FANCA: variants seen among roughly 807,000 people sequenced by gnomAD.
FANCA encodes the protein FA complementation group A.
FANCA carries 236 observed loss-of-function variants against 194.3 expected under a neutral mutation model. That is an observed-to-expected ratio of 1.21 (90% CI 1.09 to 1.35). The LOEUF (loss-of-function observed/expected upper bound fraction) is 1.35. FANCA is among the 40% of genes most tolerant of loss of function. The pLI, the probability that FANCA is intolerant of heterozygous loss-of-function variation, is 0.00. For missense variants in FANCA, 2,628 were observed against 1,813.9 expected, an observed-to-expected ratio of 1.45 and a Z score of -8.15; for synonymous variants, 1,014 against 715.8, an observed-to-expected ratio of 1.42 and a Z score of -6.65.
At chr16:89,804,816 G>A (rs996699595) in intron 7 of FANCA, among the ~76,000 whole-genome samples, 9 of 152,056 alleles carry the variant, frequency 5.9e-5, no homozygotes, top group African/African-American at 1.9e-4. Context: ...GGTGCATCAC[G>A]AGGTCAGGAG....
At position 89,744,629 on chromosome 16, in the gene FANCA, G is replaced by A. The variant is rs57344490; in HGVS notation, c.3626+330C>T. The stretch of plus-strand genomic sequence containing the variant: ...TCACTCAGACGGGAGCCTGGGAGAG[G>A]CCGTTCCTCACTCAGACGAGACACT... On this transcript the variant is annotated intron_variant, in intron 36 of 42. Transcript: ENST00000389301. 1,725 of 375,582 alleles carry A rather than the reference G, an allele frequency of 4.6e-3. 34 individuals are homozygous for A. Among genetic ancestry groups the A allele is most frequent in the African/African-American group, 0.033 (1,583 of 47,666 alleles). 23.3% of individuals were successfully genotyped at this position (375,582 alleles called of 1,614,324 possible).
At position 89,771,706 on chromosome 16, in the gene FANCA, G is replaced by A. The variant is rs775960094; in HGVS notation, c.2123C>T (p.Thr708Met). The stretch of plus-strand genomic sequence containing the variant: ...GTGTTCCCGTGGCTCCAGTCTCGGC[G>A]TGTTGATGCTGAGCTGAATCTTTGA... ...EISKIQLSIN[T>M]PRLEPREHMA... The change falls in exon 23 of 43, where the codon ACG becomes ATG. Residue 708 changes from threonine to methionine, a missense_variant. By Grantham distance (81) the Thr-to-Met change is moderately conservative. Coordinates refer to ENST00000389301, the MANE Select transcript of FANCA (RefSeq NM_000135.4). 32 of 1,614,046 alleles carry A rather than the reference G, an allele frequency of 2.0e-5. No homozygotes were observed. The highest frequency in any genetic ancestry group is 1.1e-4 in the South Asian group (10 of 91,090).
At chr16:89,812,420 G>C (rs1215637438) in intron 3 of FANCA, among the ~76,000 whole-genome samples, 1 of 151,838 alleles carries the variant, frequency 6.6e-6, no homozygotes, top group Non-Finnish European at 1.5e-5. Flanking sequence ...GCCGAGGCGG[G>C]TGGATCACCT....
At chr16:89,751,805 C>T (rs1345725332) in intron 31 of FANCA, among the ~76,000 whole-genome samples, 5 of 149,488 alleles carry the variant, frequency 3.3e-5, no homozygotes, top group African/African-American at 4.9e-5. Flanking sequence ...CTCACTCTGT[C>T]GCCCGCCCAG....
intron 14 of FANCA, among the ~76,000 whole-genome samples, chr16:89,789,760 A>C (rs1203547983): frequency 6.6e-6 from 1 of 151,974 alleles, no homozygotes; most frequent in Non-Finnish European, 1.5e-5. Context: ...CTTCTACAAA[A>C]ATTAGCTCTT....
At chr16:89,770,483 G>C in intron 24 of FANCA, 81 bp downstream of exon 24, 1 of 1,334,544 alleles carries the variant, frequency 7.5e-7, no homozygotes, top group South Asian at 1.2e-5. Flanking sequence ...GAGCTCATGA[G>C]TCCCTGGTCT....
chr16:89,816,242 G>A (rs548593510), intron 1 of FANCA: 1 of 475,880 alleles, frequency 2.1e-6, no homozygotes, highest in Admixed American at 3.3e-5. Context: ...CTGCGCTGAG[G>A]GGAGCCCCAG....
chr16:89,745,973 A>G (rs1016866468), intron 35 of FANCA, among the ~76,000 whole-genome samples: 7 of 152,182 alleles, frequency 4.6e-5, no homozygotes, highest in Admixed American at 1.3e-4. Context: ...TCCCTGGGGA[A>G]CATGCCGTGC....
Position 89,738,050 on chromosome 16 carries a change from C to A in FANCA, c.*551G>T. ...CACATGACCAAACACAAGGCTGAGA[C>A]TGAGCTGGACTTTGCCTGTGACCAG... On this transcript the variant is annotated 3_prime_UTR_variant, in exon 43 of 43. Transcript: ENST00000389301. The A allele has an allele frequency of 6.2e-7, 1 of 1,614,160 alleles. No individual in the cohort carries two copies. Among genetic ancestry groups the A allele is most frequent in the South Asian group, 1.1e-5 (1 of 91,092 alleles).
intron 27 of FANCA, among the ~76,000 whole-genome samples, chr16:89,766,038 C>A (rs1407860977): frequency 6.6e-6 from 1 of 151,542 alleles, no homozygotes; most frequent in Non-Finnish European, 1.5e-5. Flanking sequence ...GCTCTGTTGC[C>A]CAGGCTGGAG....
chr16:89,808,135 C>G (rs898333800), intron 6 of FANCA, among the ~76,000 whole-genome samples, 159 bp downstream of exon 6: 10 of 152,148 alleles, frequency 6.6e-5, no homozygotes, highest in African/African-American at 1.9e-4. Flanking sequence ...AATAGTTCCT[C>G]CAGGTCTAGT....
In FANCA at chr16:89,778,963, C is replaced by T. The variant is rs201212806; in HGVS notation, c.1756G>A (p.Ala586Thr). 39 of 1,613,970 alleles carry T rather than the reference C, an allele frequency of 2.4e-5. No individual in the cohort carries two copies. Among genetic ancestry groups the T allele is most frequent in the East Asian group, 1.8e-4 (8 of 44,882 alleles). Reference sequence around the variant, plus strand: ...CTGACCACTCGAGGTGTGAGCAGGGCGGGGAGGAAGTGGGACACGTAGTAA... The same window carrying T: ...CTGACCACTCGAGGTGTGAGCAGGGTGGGGAGGAAGTGGGACACGTAGTAA... ...RPYYVSHFLP[A>T]LLTPRVLPKV... The change falls in exon 19 of 43, where the codon GCC becomes ACC. Residue 586 changes from alanine (A) to threonine (T), a missense_variant. By Grantham distance (58) the Ala-to-Thr change is moderately conservative. Transcript: ENST00000389301.
chr16:89,762,382 C>T (rs1253131269), intron 28 of FANCA, among the ~76,000 whole-genome samples: 1 of 133,498 alleles, frequency 7.5e-6, no homozygotes, highest in African/African-American at 2.5e-5. Flanking sequence ...TTGCTTGAGC[C>T]TAGGAGTTTG....
intron 39 of FANCA, 95 bp downstream of exon 39, chr16:89,739,899 A>G (rs749315047): frequency 5.7e-6 from 9 of 1,576,842 alleles, no homozygotes; most frequent in Middle Eastern, 1.7e-4. Flanking sequence ...CTTACTTAGC[A>G]AGGAACCTCA....
At chr16:89,794,446 G>C (rs897781984) in intron 11 of FANCA, among the ~76,000 whole-genome samples, 2 of 151,422 alleles carry the variant, frequency 1.3e-5, no homozygotes, top group African/African-American at 4.9e-5. Context: ...GCTTGGCAGG[G>C]AATAGCTTGA....
At chr16:89,799,081 T>A (rs375296024) in intron 10 of FANCA, 85 bp downstream of exon 10, 2 of 1,614,088 alleles carry the variant, frequency 1.2e-6, no homozygotes. Flanking sequence ...GCTGAAGCTC[T>A]GGAAGTGTTT....
chr16:89,739,347 T>G, intron 40 of FANCA, 58 bp from the exon 41 acceptor site: 1 of 1,605,790 alleles, frequency 6.2e-7, no homozygotes, highest in Non-Finnish European at 8.5e-7. Context: ...TAGCAGGTGA[T>G]GCCAAGGGAT....
chr16:89,816,110 C>A, intron 1 of FANCA, 124 bp from the exon 2 acceptor site: 1 of 754,872 alleles, frequency 1.3e-6, no homozygotes, highest in Non-Finnish European at 2.3e-6. Flanking sequence ...GGGGCCGGGG[C>A]TCCTCCCCAG....
At position 89,795,948 on chromosome 16, in the gene FANCA, G is replaced by A. The variant is rs772768595; in HGVS notation, c.964C>T (p.His322Tyr). The part of the protein sequence containing the change: ...STDPLKRFFS[H>Y]TLTQILTHSP... ...TGAGTGAGTATCTGAGTCAGGGTAT[G>A]ACTGAAGAACCTCTTCAGAGGATCT... The change falls in exon 11 of 43, where the codon CAT becomes TAT. Residue 322 changes from histidine to tyrosine, a missense_variant. Coordinates refer to ENST00000389301, the MANE Select transcript of FANCA (RefSeq NM_000135.4). 71 of 1,614,018 alleles carry A rather than the reference G, an allele frequency of 4.4e-5. No individual in the cohort carries two copies. The South Asian group carries it at 6.5e-4, about 15-fold the overall frequency.
Sources: allele counts gnomAD v4.1 joint callset (sites outside exome capture counted in the v4.1 genomes callset), GRCh38; gene constraint gnomAD v4.1.1; transcripts MANE v1.5; gene names NCBI Gene and HGNC (gene_info 2026-07-23, HGNC 2026-07-21).